Variants in PXT1 observed in about 807,000 individuals in gnomAD.
PXT1 encodes the protein peroxisomal testis enriched protein 1, also known as peroxisomal testis-specific protein 1.
In PXT1, 11 loss-of-function variants were observed where a neutral mutation model predicts 11.0. The ratio of observed to expected loss-of-function variants is 1.00; its 90% CI spans 0.63 to 1.66. PXT1 has a LOEUF of 1.66. Ranked by LOEUF, PXT1 falls within the 40% of genes most tolerant of loss-of-function variation. The probability of loss-of-function intolerance (pLI) is 0.00; values close to 1 mark genes in which losing one functional copy is unlikely to be tolerated. For missense variants in PXT1, 141 were observed against 155.5 expected (o/e 0.91, Z 0.49); for synonymous variants, 43 against 51.4 (o/e 0.84, Z 0.70).
chr6:36,403,631 C>T (rs531477346), intron 3 of PXT1, among the ~76,000 whole-genome samples: 60 of 152,194 alleles, frequency 3.9e-4, no homozygotes, highest in South Asian at 1.7e-3. Flanking sequence ...CCCAGCACTT[C>T]GGGAGGCCAA....
At chr6:36,433,306 G>A (rs1774718573) in intron 2 of PXT1, among the ~76,000 whole-genome samples, 1 of 151,802 alleles carries the variant, frequency 6.6e-6, no homozygotes, top group African/African-American at 2.4e-5. Context: ...AAGAGCAGCT[G>A]GAAATTACAA....
intron 3 of PXT1, among the ~76,000 whole-genome samples, chr6:36,424,314 T>C (rs1357376668): frequency 6.6e-6 from 1 of 152,186 alleles, no homozygotes; most frequent in Non-Finnish European, 1.5e-5. Context: ...TCTCAGACTT[T>C]GGGGAATAAT....
rs201682822 is a variant in PXT1, at chr6:36,408,590, A to AT, written c.170-8007_170-8006insA. 6.5e-4 allele frequency among the ~76,000 whole-genome samples: 91 copies of AT among 139,512 alleles called. No individual in the cohort carries two copies. The East Asian group carries it at 0.013, about 20-fold the overall frequency. The allele number at this position is 139,512 out of a possible 152,430, so 91.5% of individuals were successfully genotyped here. ...AATCTTTTCTCAAAAAAGAAAAAAAAATTTTTTGTAGGTCAGGTGCTTTGC... is the reference window on the plus strand; with the variant it reads ...AATCTTTTCTCAAAAAAGAAAAAAAATATTTTTTGTAGGTCAGGTGCTTTGC... On this transcript the variant is annotated intron_variant, in intron 3 of 4. Transcript: ENST00000454782.
At chr6:36,408,089 G>A (rs964718052) in intron 3 of PXT1, among the ~76,000 whole-genome samples, 3 of 151,298 alleles carry the variant, frequency 2.0e-5, no homozygotes, top group African/African-American at 7.3e-5. Flanking sequence ...AGCCTCCCGA[G>A]TAGCTGGGAT....
chr6:36,416,851 G>A (rs562754387), intron 3 of PXT1, among the ~76,000 whole-genome samples: 2 of 152,212 alleles, frequency 1.3e-5, no homozygotes, highest in East Asian at 3.9e-4. Context: ...GAATGCAAAT[G>A]GTAACAACTT....
intron 3 of PXT1, among the ~76,000 whole-genome samples, chr6:36,413,051 G>A (rs1774397442): frequency 6.6e-6 from 1 of 152,160 alleles, no homozygotes; most frequent in Non-Finnish European, 1.5e-5. Flanking sequence ...ATTCCAGGGA[G>A]GGTGAAACAG....
At chr6:36,437,826 T>TC (rs1027709650) in intron 2 of PXT1, among the ~76,000 whole-genome samples, 6 of 140,962 alleles carry the variant, frequency 4.3e-5, no homozygotes, top group African/African-American at 1.6e-4. Context: ...ACTGCTTTTT[T>TC]TTTTTTTTTT....
At chr6:36,431,135 G>C (rs1448949293) in intron 2 of PXT1, among the ~76,000 whole-genome samples, 1 of 152,068 alleles carries the variant, frequency 6.6e-6, no homozygotes, top group African/African-American at 2.4e-5. Context: ...CATTTTAAAA[G>C]TGTTCATTGT....
intron 3 of PXT1, among the ~76,000 whole-genome samples, chr6:36,409,206 TC>T (rs1200519309): frequency 2.0e-5 from 3 of 152,102 alleles, no homozygotes; most frequent in African/African-American, 7.2e-5. Context: ...CCCCAAGACC[TC>T]ACCAAAATCA....
chr6:36,428,168 CG>C (rs1005921753), intron 2 of PXT1, among the ~76,000 whole-genome samples: 6 of 152,202 alleles, frequency 3.9e-5, no homozygotes, highest in Admixed American at 3.3e-4. Context: ...AATTCCTGGC[CG>C]GGCGCGGTGG....
intron 4 of PXT1, among the ~76,000 whole-genome samples, chr6:36,397,021 C>T (rs1371916299): frequency 7.9e-5 from 12 of 152,134 alleles, no homozygotes; most frequent in Non-Finnish European, 1.6e-4. Flanking sequence ...GAACTGAACA[C>T]TCAATGGATA....
intron 3 of PXT1, among the ~76,000 whole-genome samples, chr6:36,405,153 T>C (rs180880811): frequency 2.4e-4 from 37 of 152,220 alleles, no homozygotes; most frequent in African/African-American, 7.5e-4. Flanking sequence ...TAGGCTAATA[T>C]ATGTGTTTGT....
intron 2 of PXT1, among the ~76,000 whole-genome samples, chr6:36,426,355 CTTTTTTTTTTTTTTTTT>C (rs751410377): frequency 2.6e-5 from 2 of 76,772 alleles, no homozygotes; most frequent in South Asian, 5.3e-4. Context: ...CTCTCTCTCG[CTTTTTTTTTTTTTTTTT>C]TTTTTTTTTT....
At chr6:36,400,212 C>A (rs1044691796) in intron 4 of PXT1, among the ~76,000 whole-genome samples, 8 of 152,180 alleles carry the variant, frequency 5.3e-5, no homozygotes, top group Non-Finnish European at 8.8e-5. Context: ...TCAGATCTTG[C>A]ACATCTAATC....
intron 3 of PXT1, among the ~76,000 whole-genome samples, chr6:36,412,488 C>T (rs993627454): frequency 1.3e-5 from 2 of 152,000 alleles, no homozygotes; most frequent in African/African-American, 2.4e-5. Flanking sequence ...GGTGAAACCC[C>T]GTCTCTACTA....
intron 3 of PXT1, among the ~76,000 whole-genome samples, chr6:36,423,140 A>G (rs372739790): frequency 6.6e-6 from 1 of 152,354 alleles, no homozygotes; most frequent in East Asian, 1.9e-4. Context: ...GGCTTCAGCG[A>G]GTCACATTCC....
intron 3 of PXT1, among the ~76,000 whole-genome samples, chr6:36,423,400 T>C (rs1476654182): frequency 1.3e-5 from 2 of 152,166 alleles, no homozygotes; most frequent in African/African-American, 4.8e-5. Flanking sequence ...CTTTCTGTGG[T>C]GGAAAAAGCG....
chr6:36,427,351 G>A (rs1400504276), intron 2 of PXT1, among the ~76,000 whole-genome samples: 1 of 151,960 alleles, frequency 6.6e-6, no homozygotes, highest in Non-Finnish European at 1.5e-5. Context: ...GACTTGAAGG[G>A]TGGCCACAGA....
At chr6:36,438,593 TTTGTA>T (rs1253643773) in intron 2 of PXT1, among the ~76,000 whole-genome samples, 169 bp downstream of exon 2, 2 of 152,032 alleles carry the variant, frequency 1.3e-5, no homozygotes, top group Non-Finnish European at 2.9e-5. Flanking sequence ...CGGCTAATTG[TTTGTA>T]TTTTTAGTAG....
Sources: allele counts gnomAD v4.1 joint callset (sites outside exome capture counted in the v4.1 genomes callset), GRCh38; gene constraint gnomAD v4.1.1; transcripts MANE v1.5; gene names NCBI Gene and HGNC (gene_info 2026-07-23, HGNC 2026-07-21).